The following NIPAL2 variants were observed in gnomAD, a reference collection of about 807,000 sequenced individuals.
NIPAL2 encodes the protein NIPA-like protein 2.
NIPAL2 carries 43 observed loss-of-function variants against 48.9 expected under a neutral mutation model. That is an observed-to-expected ratio of 0.88 (90% CI 0.69 to 1.13). NIPAL2 has a LOEUF of 1.13. Ranked by LOEUF, NIPAL2 falls within the 50% of genes most tolerant of loss-of-function variation. The pLI, the probability that NIPAL2 is intolerant of heterozygous loss-of-function variation, is 0.00. For synonymous variants in NIPAL2, 167 were observed against 174.6 expected (o/e 0.96, Z 0.34); for missense variants, 446 against 461.4 (o/e 0.97, Z 0.31).
In NIPAL2 at chr8:98,236,171, T is replaced by C. The variant is rs1812703475; in HGVS notation, c.420A>G (p.Arg140=). The change falls in exon 4 of 11, where the codon AGA becomes AGG. Residue 140 remains arginine, a synonymous_variant. Transcript: ENST00000430223. Reference sequence around the variant, plus strand: ...ATTACTTACCGAGTAAGTCTGAGGCTCTCAAATTGTCTTTCAGAAATGTAA... The same window carrying C: ...ATTACTTACCGAGTAAGTCTGAGGCCCTCAAATTGTCTTTCAGAAATGTAA... ...ISVTFLKDNL[R]ASDLLGTTLA... is the part of the protein sequence containing the mutation. 2 of 1,601,438 alleles carry C rather than the reference T, an allele frequency of 1.2e-6. No individual in the cohort carries two copies. The highest frequency in any genetic ancestry group is 2.3e-5 in the East Asian group (1 of 44,240).
chr8:98,209,657 G>A (rs1381086942), intron 6 of NIPAL2, among the ~76,000 whole-genome samples: 1 of 151,364 alleles, frequency 6.6e-6, no homozygotes, highest in East Asian at 1.9e-4. Context: ...AGTATGATTT[G>A]CTCTGTTTTA....
At chr8:98,242,298 G>A (rs1037304198) in intron 3 of NIPAL2, among the ~76,000 whole-genome samples, 1 of 151,638 alleles carries the variant, frequency 6.6e-6, no homozygotes, top group African/African-American at 2.4e-5. Context: ...TCCCACCTCA[G>A]CCTCCCAAGG....
chr8:98,247,235 C>G (rs1444651048), intron 3 of NIPAL2, among the ~76,000 whole-genome samples: 1 of 152,172 alleles, frequency 6.6e-6, no homozygotes, highest in Non-Finnish European at 1.5e-5. Flanking sequence ...AACGGAACAT[C>G]CTATCCTTGT....
At chr8:98,229,633 C>A (rs551814369) in intron 4 of NIPAL2, among the ~76,000 whole-genome samples, 18 of 152,326 alleles carry the variant, frequency 1.2e-4, no homozygotes, top group Admixed American at 3.3e-4. Context: ...CCACCTTGGC[C>A]TCCTAAAGTG....
chr8:98,253,603 A>G (rs1784813461), intron 2 of NIPAL2, among the ~76,000 whole-genome samples: 1 of 152,214 alleles, frequency 6.6e-6, no homozygotes, highest in African/African-American at 2.4e-5. Context: ...ATTTAACAGT[A>G]TTTTAAAGAA....
chr8:98,228,193 G>A (rs1812271969), intron 4 of NIPAL2, among the ~76,000 whole-genome samples: 1 of 152,224 alleles, frequency 6.6e-6, no homozygotes, highest in Non-Finnish European at 1.5e-5. Flanking sequence ...ACCAGGTACT[G>A]TGATTGCTCA....
At chr8:98,213,850 G>A (rs1374162933) in intron 5 of NIPAL2, among the ~76,000 whole-genome samples, 1 of 152,080 alleles carries the variant, frequency 6.6e-6, no homozygotes, top group South Asian at 2.1e-4. Flanking sequence ...GCATTTTGCC[G>A]TCATCATTTC....
intron 6 of NIPAL2, among the ~76,000 whole-genome samples, chr8:98,205,982 G>A (rs1027522999): frequency 3.9e-5 from 6 of 152,242 alleles, no homozygotes; most frequent in South Asian, 4.1e-4. Flanking sequence ...CAAACTTTTC[G>A]TAGGTTCCAA....
chr8:98,235,988 G>A (rs544928682), intron 4 of NIPAL2, among the ~76,000 whole-genome samples, 167 bp downstream of exon 4: 2 of 152,146 alleles, frequency 1.3e-5, no homozygotes, highest in Admixed American at 6.5e-5. Flanking sequence ...TATTTTATGC[G>A]AGAAGAGATG....
At chr8:98,237,315 GTATTGGGATTACAGGCGTAA>G (rs1459113546) in intron 3 of NIPAL2, among the ~76,000 whole-genome samples, 3 of 152,102 alleles carry the variant, frequency 2.0e-5, no homozygotes, top group Admixed American at 6.5e-5. Flanking sequence ...ACCTCCCAAA[GTATTGGGATTACAGGCGTAA>G]TCCACCGCAA....
At chr8:98,209,225 G>C (rs1464705468) in intron 6 of NIPAL2, among the ~76,000 whole-genome samples, 1 of 152,080 alleles carries the variant, frequency 6.6e-6, no homozygotes, top group African/African-American at 2.4e-5. Flanking sequence ...AATCTGGCCA[G>C]GAAGAGGGGC....
At chr8:98,197,003 T>A (rs1290816265) in intron 8 of NIPAL2, among the ~76,000 whole-genome samples, 1 of 152,216 alleles carries the variant, frequency 6.6e-6, no homozygotes, top group Non-Finnish European at 1.5e-5. Context: ...ATTTTAATGT[T>A]TTCATGTTAT....
At chr8:98,266,446 TA>T (rs535353621) in intron 1 of NIPAL2, among the ~76,000 whole-genome samples, 1 of 145,858 alleles carries the variant, frequency 6.9e-6, no homozygotes, top group African/African-American at 2.6e-5. Context: ...TACTAAAATA[TA>T]AAAAATTAGC....
intron 1 of NIPAL2, among the ~76,000 whole-genome samples, chr8:98,275,528 G>A (rs935701676): frequency 1.3e-5 from 2 of 152,082 alleles, no homozygotes; most frequent in Non-Finnish European, 2.9e-5. Context: ...GTAGTTTCCA[G>A]TTTGGGGCTG....
intron 1 of NIPAL2, among the ~76,000 whole-genome samples, chr8:98,282,544 G>A (rs1034215770): frequency 3.9e-5 from 6 of 152,092 alleles, no homozygotes; most frequent in South Asian, 2.1e-4. Flanking sequence ...GTGGTGGCAC[G>A]CACCTGTAGT....
chr8:98,225,517 G>A (rs745493191), intron 4 of NIPAL2, among the ~76,000 whole-genome samples: 15 of 152,334 alleles, frequency 9.8e-5, no homozygotes, highest in South Asian at 4.1e-4. Context: ...CCCATTTGCC[G>A]AAAGGAGTAA....
intron 3 of NIPAL2, among the ~76,000 whole-genome samples, chr8:98,247,227 C>T (rs369715467): frequency 1.3e-5 from 2 of 152,134 alleles, no homozygotes; most frequent in Admixed American, 6.5e-5. Flanking sequence ...CACCCTAGAA[C>T]GGAACATCCT....
intron 3 of NIPAL2, among the ~76,000 whole-genome samples, chr8:98,237,187 A>G (rs911704475): frequency 6.6e-6 from 1 of 152,010 alleles, no homozygotes; most frequent in Non-Finnish European, 1.5e-5. Context: ...AGCTGGGACC[A>G]CAGGCTCATG....
At chr8:98,273,501 G>A (rs1338722410) in intron 1 of NIPAL2, among the ~76,000 whole-genome samples, 1 of 152,040 alleles carries the variant, frequency 6.6e-6, no homozygotes, top group Admixed American at 6.6e-5. Context: ...CTTTAAATGA[G>A]TGAATTTTAT....
Sources: allele counts gnomAD v4.1 joint callset (sites outside exome capture counted in the v4.1 genomes callset), GRCh38; gene constraint gnomAD v4.1.1; transcripts MANE v1.5; gene names NCBI Gene and HGNC (gene_info 2026-07-23, HGNC 2026-07-21).